The following RIT2 variants were observed in gnomAD, a reference collection of about 807,000 sequenced individuals.
RIT2 encodes Ras like without CAAX 2.
A neutral mutation model predicts 23.7 loss-of-function variants in RIT2; 24 were observed. The ratio of observed to expected loss-of-function variants is 1.01; its 90% CI spans 0.73 to 1.43. RIT2 has a LOEUF of 1.43. RIT2 is among the 40% of genes most tolerant of loss of function. The pLI is 0.00. For synonymous variants in RIT2, 107 were observed against 91.1 expected (o/e 1.17, Z -0.99); for missense variants, 236 against 266.9 (o/e 0.88, Z 0.81).
intron 4 of RIT2, among the ~76,000 whole-genome samples, chr18:42,809,522 G>A (rs1037786209): frequency 6.6e-5 from 10 of 151,970 alleles, no homozygotes; most frequent in African/African-American, 2.2e-4. Flanking sequence ...TTGGATGAAT[G>A]TTCAACCTTT....
chr18:42,874,931 T>G (rs1345842888), intron 4 of RIT2, among the ~76,000 whole-genome samples: 1 of 152,142 alleles, frequency 6.6e-6, no homozygotes, highest in Non-Finnish European at 1.5e-5. Flanking sequence ...GCCAGGAATG[T>G]ATTCCTCTGA....
At chr18:43,046,836 A>G (rs1912260050) in intron 1 of RIT2, among the ~76,000 whole-genome samples, 1 of 152,186 alleles carries the variant, frequency 6.6e-6, no homozygotes, top group Admixed American at 6.5e-5. Context: ...TAAGCTATGC[A>G]TCCATGGATA....
At position 42,743,561 on chromosome 18, in the gene RIT2, T is replaced by TG. The variant is rs1281259103; in HGVS notation, c.585_586insC (p.Lys196GlnfsTer64). On this transcript the variant is annotated frameshift_variant, in exon 5 of 5. Coordinates refer to ENST00000326695, the MANE Select transcript of RIT2 (RefSeq NM_002930.4). LOFTEE classifies it high-confidence loss of function. ...TTCTTCCACAGGCTGTCTTTTCTCT[T>TG]CAGTTTCTTTTCCATCAAGGATGGC... The TG allele has an allele frequency of 6.2e-7, 1 of 1,613,954 alleles. No individual in the cohort carries two copies. The highest frequency in any genetic ancestry group is 8.5e-7 in the Non-Finnish European group (1 of 1,179,996).
At chr18:43,093,001 G>T (rs1471257036) in intron 1 of RIT2, among the ~76,000 whole-genome samples, 1 of 151,958 alleles carries the variant, frequency 6.6e-6, no homozygotes, top group African/African-American at 2.4e-5. Flanking sequence ...TGTAAGCAGG[G>T]TTATAATTTC....
intron 4 of RIT2, among the ~76,000 whole-genome samples, chr18:42,862,523 T>C (rs1313316550): frequency 6.6e-6 from 1 of 152,146 alleles, no homozygotes. Context: ...GCCAAACATA[T>C]TGCATTGTGG....
At chr18:43,049,972 CTTTTTTTTTTTTTTTTTT>C (rs755291383) in intron 1 of RIT2, among the ~76,000 whole-genome samples, 1 of 66,014 alleles carries the variant, frequency 1.5e-5, no homozygotes, top group African/African-American at 6.5e-5. Context: ...AAGGGATTTC[CTTTTTTTTTTTTTTTTTT>C]TTTTTTTTTT....
At chr18:43,065,387 A>C (rs1163867209) in intron 1 of RIT2, among the ~76,000 whole-genome samples, 5 of 151,662 alleles carry the variant, frequency 3.3e-5, no homozygotes, top group African/African-American at 7.3e-5. Flanking sequence ...TGAACCACCA[A>C]CATCGGCTAT....
At chr18:43,046,377 G>T (rs1912247678) in intron 1 of RIT2, among the ~76,000 whole-genome samples, 2 of 152,156 alleles carry the variant, frequency 1.3e-5, no homozygotes, top group African/African-American at 4.8e-5. Flanking sequence ...CACTAGGCTG[G>T]ATTTGTTATG....
At chr18:42,789,879 T>C (rs1914003775) in intron 4 of RIT2, among the ~76,000 whole-genome samples, 1 of 152,198 alleles carries the variant, frequency 6.6e-6, no homozygotes, top group Non-Finnish European at 1.5e-5. Flanking sequence ...GTGGGGAAAG[T>C]AGGCATCCTT....
At chr18:42,807,184 G>GGTA (rs1434603317) in intron 4 of RIT2, among the ~76,000 whole-genome samples, 2 of 151,650 alleles carry the variant, frequency 1.3e-5, no homozygotes, top group African/African-American at 4.8e-5. Flanking sequence ...TTTTAATCTG[G>GGTA]GTAATTTCTT....
At chr18:42,911,783 T>C (rs1482377069) in intron 4 of RIT2, among the ~76,000 whole-genome samples, 1 of 151,942 alleles carries the variant, frequency 6.6e-6, no homozygotes. Flanking sequence ...ATTGAATAAA[T>C]CAGATTTTTA....
intron 4 of RIT2, among the ~76,000 whole-genome samples, chr18:42,855,492 A>C (rs1907157564): frequency 6.6e-6 from 1 of 152,192 alleles, no homozygotes; most frequent in South Asian, 2.1e-4. Flanking sequence ...ACTTTTCCTG[A>C]CAAAACCTGT....
intron 4 of RIT2, among the ~76,000 whole-genome samples, chr18:42,832,609 A>G (rs1279121426): frequency 1.3e-5 from 2 of 152,226 alleles, no homozygotes; most frequent in Non-Finnish European, 2.9e-5. Context: ...GGACTATTTA[A>G]TGACCAAATC....
chr18:42,795,961 A>G (rs917871533), intron 4 of RIT2, among the ~76,000 whole-genome samples: 1 of 152,148 alleles, frequency 6.6e-6, no homozygotes, highest in Non-Finnish European at 1.5e-5. Flanking sequence ...AAAGGCACCA[A>G]TCAGCGCCCT....
At chr18:42,952,636 GT>G (rs1360607837) in intron 3 of RIT2, among the ~76,000 whole-genome samples, 1 of 151,994 alleles carries the variant, frequency 6.6e-6, no homozygotes, top group Admixed American at 6.6e-5. Context: ...GATGTATACT[GT>G]ACAGCCGTTT....
intron 1 of RIT2, among the ~76,000 whole-genome samples, chr18:43,052,124 CT>C (rs1912398141): frequency 6.6e-6 from 1 of 152,132 alleles, no homozygotes; most frequent in African/African-American, 2.4e-5. Context: ...CATTGTTCAT[CT>C]ATTCAACAGT....
chr18:42,743,833 G>T, intron 4 of RIT2, 113 bp from the exon 5 acceptor site: 2 of 737,126 alleles, frequency 2.7e-6, no homozygotes, highest in East Asian at 2.7e-5. Context: ...CCAAGCCATC[G>T]TATCCCCTGT....
intron 1 of RIT2, among the ~76,000 whole-genome samples, chr18:43,068,351 A>T (rs978275135): frequency 2.6e-5 from 4 of 152,148 alleles, no homozygotes; most frequent in African/African-American, 9.7e-5. Flanking sequence ...ACTTCAGGGG[A>T]TTTACTCATA....
chr18:42,792,663 T>C (rs547327836), intron 4 of RIT2, among the ~76,000 whole-genome samples: 57 of 152,284 alleles, frequency 3.7e-4, no homozygotes, highest in African/African-American at 1.4e-3. Context: ...GATTGCACGG[T>C]GTGTCGAAGT....
Sources: allele counts gnomAD v4.1 joint callset (sites outside exome capture counted in the v4.1 genomes callset), GRCh38; gene constraint gnomAD v4.1.1; transcripts MANE v1.5; gene names NCBI Gene and HGNC (gene_info 2026-07-23, HGNC 2026-07-21).